PTPN2: variants seen among roughly 807,000 people sequenced by gnomAD.
PTPN2 encodes tyrosine-protein phosphatase non-receptor type 2.
PTPN2 carries 19 observed loss-of-function variants against 57.3 expected under a neutral mutation model. That is an observed-to-expected ratio of 0.33 (90% CI 0.23 to 0.49). The LOEUF (loss-of-function observed/expected upper bound fraction) is 0.49, where lower values mean the gene tolerates loss of function less well. Ranked by LOEUF, PTPN2 falls within the 20% of genes least tolerant of loss-of-function variation. The probability of loss-of-function intolerance (pLI) is 0.99; values close to 1 mark genes in which losing one functional copy is unlikely to be tolerated. For synonymous variants in PTPN2, 153 were observed against 164.9 expected, an observed-to-expected ratio of 0.93 and a Z score of 0.55; for missense variants, 358 against 501.1, an observed-to-expected ratio of 0.71 and a Z score of 2.73.
chr18:12,793,781 A>G lies in PTPN2; in HGVS notation c.*497T>C. ...CAAAAGATTAAATAGATACTTATAA[A>G]ATATATTTACCCTGAAATGCTTAAG... On this transcript the variant is annotated 3_prime_UTR_variant, in exon 9 of 9. Transcript: ENST00000309660. 1.1e-6 allele frequency: 1 copy of G among 937,870 alleles called. No individual in the cohort carries two copies. The highest frequency in any genetic ancestry group is 1.3e-6 in the Non-Finnish European group (1 of 785,242). The allele number at this position is 937,870 out of a possible 1,614,324, so 58.1% of individuals were successfully genotyped here.
intron 7 of PTPN2, among the ~76,000 whole-genome samples, chr18:12,805,174 C>A (rs114746897): frequency 6.6e-6 from 1 of 151,922 alleles, no homozygotes; most frequent in Non-Finnish European, 1.5e-5. Context: ...TTCAACATAG[C>A]GGCTGGGCGT....
At chr18:12,790,849 A>AT (rs141061151), downstream of PTPN2, among the ~76,000 whole-genome samples, 3 of 152,014 alleles carry the variant, frequency 2.0e-5, no homozygotes, top group Admixed American at 6.6e-5. Flanking sequence ...TGATTAACAC[A>AT]TTTTTTTTCT....
intron 8 of PTPN2, among the ~76,000 whole-genome samples, chr18:12,801,023 T>C (rs1021869999): frequency 6.6e-6 from 1 of 152,248 alleles, no homozygotes; most frequent in Non-Finnish European, 1.5e-5. Flanking sequence ...ATTATAATTA[T>C]AGTACAAATG....
At chr18:12,840,494 C>A (rs957959347) in intron 2 of PTPN2, among the ~76,000 whole-genome samples, 2 of 152,150 alleles carry the variant, frequency 1.3e-5, no homozygotes, top group African/African-American at 4.8e-5. Flanking sequence ...ACCACAAAAC[C>A]AACCAGAACC....
chr18:12,849,487 A>G (rs1313515362), intron 2 of PTPN2, among the ~76,000 whole-genome samples: 5 of 152,202 alleles, frequency 3.3e-5, no homozygotes, highest in Non-Finnish European at 5.9e-5. Context: ...TGAACCCGGG[A>G]GGTGGAGGTT....
intron 1 of PTPN2, among the ~76,000 whole-genome samples, chr18:12,871,287 T>C (rs1027006874): frequency 6.6e-6 from 1 of 152,242 alleles, no homozygotes; most frequent in Non-Finnish European, 1.5e-5. Flanking sequence ...TATATCAATG[T>C]ATACTGTCAC....
intron 2 of PTPN2, among the ~76,000 whole-genome samples, chr18:12,858,356 C>T (rs1188535751): frequency 6.6e-6 from 1 of 152,190 alleles, no homozygotes; most frequent in African/African-American, 2.4e-5. Flanking sequence ...AATTTAATAT[C>T]TGAATAAGCT....
Position 12,793,539 on chromosome 18 carries a change from T to C in PTPN2, c.*739A>G, listed in dbSNP as rs1241646689. ...AAGATATTTTTAGGAAAAACTTTTG[T>C]TTCTTTGTTTGCTTTTCTTTTTAAA... On this transcript the variant is annotated 3_prime_UTR_variant, in exon 9 of 9. Coordinates refer to ENST00000309660, the MANE Select transcript of PTPN2 (RefSeq NM_002828.4). 3 of 980,684 alleles carry C rather than the reference T, an allele frequency of 3.1e-6. No homozygotes were observed. The East Asian group carries it at 3.4e-4, about 110-fold the overall frequency. The allele number at this position is 980,684 out of a possible 1,614,324, so 60.7% of individuals were successfully genotyped here. A position where few individuals can be genotyped will look rare whatever the true frequency, so the allele number is the denominator to read the frequency against.
At chr18:12,852,254 G>C (rs1368054711) in intron 2 of PTPN2, among the ~76,000 whole-genome samples, 2 of 145,224 alleles carry the variant, frequency 1.4e-5, no homozygotes, top group Non-Finnish European at 3.0e-5. Flanking sequence ...CCAGTGAAAA[G>C]ACATGACAGT....
At chr18:12,817,072 GCAT>G in intron 6 of PTPN2, 81 bp downstream of exon 6, 1 of 1,270,546 alleles carries the variant, frequency 7.9e-7, no homozygotes, top group Non-Finnish European at 1.1e-6. Flanking sequence ...CTGGGATACA[GCAT>G]CAGAGTTTAT....
intron 2 of PTPN2, among the ~76,000 whole-genome samples, chr18:12,848,016 G>A (rs576499813): frequency 1.4e-4 from 22 of 152,030 alleles, no homozygotes; most frequent in South Asian, 6.2e-4. Context: ...AGAAGGTAAA[G>A]CACTACACTG....
intron 1 of PTPN2, among the ~76,000 whole-genome samples, chr18:12,879,505 T>A (rs2145546403): frequency 6.6e-6 from 1 of 152,338 alleles, no homozygotes; most frequent in Admixed American, 6.5e-5. Context: ...TTCAAGTGCT[T>A]ACTAAGCACC....
At chr18:12,860,676 C>G (rs1195544424) in intron 1 of PTPN2, among the ~76,000 whole-genome samples, 1 of 152,136 alleles carries the variant, frequency 6.6e-6, no homozygotes, top group Non-Finnish European at 1.5e-5. Flanking sequence ...GCATGAGAAT[C>G]GCTTAAACCC....
Position 12,794,147 on chromosome 18 carries a change from C to A in PTPN2, c.*131G>T. The stretch of plus-strand genomic sequence containing the variant: ...ATGTTGGGCTTGTGACTGTAAATAT[C>A]ACTTATCTGGTTGATGTCTATTCTA... On this transcript the variant is annotated 3_prime_UTR_variant, in exon 9 of 9. Transcript: ENST00000309660. 1 of 1,479,386 alleles carries A rather than the reference C, an allele frequency of 6.8e-7. No individual in the cohort carries two copies. Among genetic ancestry groups the A allele is most frequent in the Non-Finnish European group, 8.9e-7 (1 of 1,120,644 alleles). 91.6% of individuals were successfully genotyped at this position (1,479,386 alleles called of 1,614,324 possible).
chr18:12,793,544 T>C lies in PTPN2; in HGVS notation c.*734A>G. The C allele has an allele frequency of 2.0e-6, 2 of 980,442 alleles. No individual in the cohort carries two copies. Among genetic ancestry groups the C allele is most frequent in the Non-Finnish European group, 2.4e-6 (2 of 824,952 alleles). The allele number at this position is 980,442 out of a possible 1,614,324, so 60.7% of individuals were successfully genotyped here. A position where few individuals can be genotyped will look rare whatever the true frequency, so the allele number is the denominator to read the frequency against. ...ATTTTTAGGAAAAACTTTTGTTTCT[T>C]TGTTTGCTTTTCTTTTTAAAATGGG... On this transcript the variant is annotated 3_prime_UTR_variant, in exon 9 of 9. Coordinates refer to ENST00000309660, the MANE Select transcript of PTPN2 (RefSeq NM_002828.4).
In PTPN2 at chr18:12,884,179, C is replaced by T. The variant is rs1157979236; in HGVS notation, c.-38G>A. The T allele has an allele frequency of 5.2e-6, 8 of 1,537,334 alleles. No homozygotes were observed. The highest frequency in any genetic ancestry group is 7.0e-6 in the Non-Finnish European group (8 of 1,139,086). ...GAGCTGGCGCGAGCAGAGCCTGCGC[C>T]GGCGGAGAGGCTCAGGCCCCGCACG... On this transcript the variant is annotated 5_prime_UTR_variant, in exon 1 of 9. Transcript: ENST00000309660.
chr18:12,835,212 A>T (rs201860849), intron 3 of PTPN2, among the ~76,000 whole-genome samples: 1 of 152,174 alleles, frequency 6.6e-6, no homozygotes, highest in Non-Finnish European at 1.5e-5. Flanking sequence ...CATAAAAAAA[A>T]CTTCCAATAT....
intron 1 of PTPN2, among the ~76,000 whole-genome samples, chr18:12,873,931 C>G (rs902065330): frequency 1.3e-5 from 2 of 148,548 alleles, no homozygotes; most frequent in African/African-American, 5.2e-5. Flanking sequence ...GCGCCTCTGC[C>G]CGGTCGCGAC....
At chr18:12,789,781 T>G (rs1337911494), downstream of PTPN2, among the ~76,000 whole-genome samples, 1 of 152,200 alleles carries the variant, frequency 6.6e-6, no homozygotes, top group Non-Finnish European at 1.5e-5. Flanking sequence ...TATAATAGAC[T>G]ACATTTTTAA....
Sources: gnomAD v4.1 joint callset for allele counts (sites outside exome capture counted in the v4.1 genomes callset) on GRCh38, gnomAD v4.1.1 for gene constraint, MANE v1.5 for transcripts, NCBI Gene and HGNC (gene_info 2026-07-23, HGNC 2026-07-21) for gene names.